The following CNIH3 variants were observed in gnomAD, a reference collection of about 807,000 sequenced individuals.
The protein encoded by CNIH3 is cornichon family AMPA receptor auxiliary protein 3.
A neutral mutation model predicts 24.1 loss-of-function variants in CNIH3; 14 were observed. That is an observed-to-expected ratio of 0.58 (90% CI 0.38 to 0.91). CNIH3 has a LOEUF of 0.91. Among genes scored for constraint, CNIH3 ranks in the 40% least tolerant of loss-of-function variants. CNIH3 has a pLI of 0.00. For synonymous variants in CNIH3, 68 were observed against 73.8 expected, an observed-to-expected ratio of 0.92 and a Z score of 0.40; for missense variants, 178 against 196.8, an observed-to-expected ratio of 0.90 and a Z score of 0.57.
chr1:224,457,492 G>A (rs910304500), intron 1 of CNIH3, among the ~76,000 whole-genome samples: 3 of 151,206 alleles, frequency 2.0e-5, no homozygotes, highest in Non-Finnish European at 2.9e-5. Context: ...CCAACTGAAT[G>A]GGAATCTGTG....
Position 224,548,795 on chromosome 1 carries a change from T to C in CNIH3, n.450+1856T>C, listed in dbSNP as rs145170815. ...CCTGTGTGTACACCCTGGCACATTG[T>C]AGCATTTCAAGGTGACACTACTCAT... On this transcript the variant is annotated intron_variant and non_coding_transcript_variant, in intron 3 of 5. Transcript: ENST00000471578. Among the ~76,000 whole-genome samples the C allele has an allele frequency of 7.9e-5, 12 of 151,808 alleles. No homozygotes were observed. The East Asian group carries it at 1.6e-3, about 20-fold the overall frequency.
rs114647569 is a variant in CNIH3 at position 224,546,469 on chromosome 1, A to G, written n.340-360A>G. Reference sequence around the variant, plus strand: ...TAGACAGCCCAGCACGTTGTAGTCAACCTGGAGGGGGTAATGAATGCTGAG... The same window carrying G: ...TAGACAGCCCAGCACGTTGTAGTCAGCCTGGAGGGGGTAATGAATGCTGAG... On this transcript the variant is annotated intron_variant and non_coding_transcript_variant, in intron 2 of 5. Transcript: ENST00000471578. Among the ~76,000 whole-genome samples the G allele has an allele frequency of 2.0e-3, 298 of 152,296 alleles. 2 individuals are homozygous for G. The highest frequency in any genetic ancestry group is 6.5e-3 in the African/African-American group (269 of 41,566).
intron 1 of CNIH3, among the ~76,000 whole-genome samples, chr1:224,447,359 G>C (rs1002408073): frequency 2.6e-5 from 4 of 152,318 alleles, no homozygotes; most frequent in African/African-American, 9.6e-5. Flanking sequence ...AGGAGTAGGA[G>C]AGTGTCCCAG....
chr1:224,700,086 G>A (rs1007035361), intron 3 of CNIH3, among the ~76,000 whole-genome samples: 1 of 152,074 alleles, frequency 6.6e-6, no homozygotes, highest in African/African-American at 2.4e-5. Flanking sequence ...GCCCATCACC[G>A]CTGGACCATT....
chr1:224,559,431 C>T (rs776710895), intron 3 of CNIH3, among the ~76,000 whole-genome samples: 49 of 152,178 alleles, frequency 3.2e-4, no homozygotes, highest in Middle Eastern at 3.2e-3. Context: ...GTGGCCCTAT[C>T]GTAGCTCATT....
intron 1 of CNIH3, among the ~76,000 whole-genome samples, chr1:224,482,810 A>G (rs1676867590): frequency 6.6e-6 from 1 of 152,088 alleles, no homozygotes. Flanking sequence ...CAGCACTAGA[A>G]GTCATCTAGG....
chr1:224,477,449 T>G (rs1676633777), intron 1 of CNIH3, among the ~76,000 whole-genome samples: 1 of 152,206 alleles, frequency 6.6e-6, no homozygotes, highest in Admixed American at 6.5e-5. Context: ...ATGGAGTAAC[T>G]GAAATGCCCA....
chr1:224,636,338 A>G (rs574165528), intron 1 of CNIH3, among the ~76,000 whole-genome samples: 76 of 152,334 alleles, frequency 5.0e-4, no homozygotes, highest in African/African-American at 1.8e-3. Flanking sequence ...ACCTAAGATC[A>G]CCTGGTTCTG....
chr1:224,521,391 A>G (rs557987364), intron 2 of CNIH3: 3 of 152,276 alleles, frequency 2.0e-5, no homozygotes, highest in Non-Finnish European at 4.4e-5. Flanking sequence ...AGATGCTTTC[A>G]ATTAGTAAAT....
At chr1:224,540,335 A>C (rs890585537), downstream of CNIH3, among the ~76,000 whole-genome samples, 2 of 152,202 alleles carry the variant, frequency 1.3e-5, no homozygotes, top group Non-Finnish European at 1.5e-5. Context: ...AATTTTACTC[A>C]AACATTTCTC....
chr1:224,708,131 C>T (rs992992005), intron 3 of CNIH3, among the ~76,000 whole-genome samples: 3 of 152,140 alleles, frequency 2.0e-5, no homozygotes, highest in African/African-American at 7.2e-5. Context: ...TCTCTCTCAG[C>T]CATGGATGCT....
At chr1:224,576,317 A>C (rs1681035368) in intron 4 of CNIH3, among the ~76,000 whole-genome samples, 1 of 152,210 alleles carries the variant, frequency 6.6e-6, no homozygotes, top group Non-Finnish European at 1.5e-5. Context: ...CTTTTAAAAA[A>C]AGTTATATAT....
intron 4 of CNIH3, among the ~76,000 whole-genome samples, chr1:224,578,211 C>G (rs1558178033): frequency 6.6e-6 from 1 of 152,150 alleles, no homozygotes; most frequent in Non-Finnish European, 1.5e-5. Context: ...CAACAAAAAG[C>G]TATTCCAACT....
intron 1 of CNIH3, among the ~76,000 whole-genome samples, chr1:224,630,335 C>T (rs1404470721): frequency 6.6e-6 from 1 of 152,068 alleles, no homozygotes; most frequent in East Asian, 1.9e-4. Flanking sequence ...TCCATATTTG[C>T]CCCTAAGCTG....
chr1:224,475,479 G>A (rs1337901296), intron 1 of CNIH3, among the ~76,000 whole-genome samples: 1 of 152,058 alleles, frequency 6.6e-6, no homozygotes, highest in Non-Finnish European at 1.5e-5. Flanking sequence ...AAATTGGAAA[G>A]TCTAGAAGAA....
intron 1 of CNIH3, among the ~76,000 whole-genome samples, chr1:224,463,509 A>T (rs1572291977): frequency 6.6e-6 from 1 of 151,252 alleles, no homozygotes; most frequent in African/African-American, 2.4e-5. Flanking sequence ...CCCAGGTTCA[A>T]GCGATGCTTT....
intron 1 of CNIH3, among the ~76,000 whole-genome samples, chr1:224,623,670 G>T (rs1468944846): frequency 1.3e-5 from 2 of 152,066 alleles, no homozygotes; most frequent in African/African-American, 4.8e-5. Flanking sequence ...TCAGGATCCT[G>T]CCCCTCCCCA....
chr1:224,449,902 T>C (rs1431703361), intron 1 of CNIH3, among the ~76,000 whole-genome samples: 4 of 152,016 alleles, frequency 2.6e-5, no homozygotes, highest in African/African-American at 9.7e-5. Flanking sequence ...CTGCTTTCAG[T>C]TGTGGATATT....
chr1:224,614,985 G>A (rs1682884187), upstream of CNIH3, among the ~76,000 whole-genome samples: 2 of 145,348 alleles, frequency 1.4e-5, no homozygotes, highest in South Asian at 4.3e-4. Flanking sequence ...ATAAGTAAAA[G>A]ATGTGGCCAA....
Sources: allele counts gnomAD v4.1 joint callset (sites outside exome capture counted in the v4.1 genomes callset), GRCh38; gene constraint gnomAD v4.1.1; transcripts MANE v1.5; gene names NCBI Gene and HGNC (gene_info 2026-07-23, HGNC 2026-07-21).